The following FAM174A variants were observed in gnomAD, a reference collection of about 807,000 sequenced individuals.
The protein encoded by FAM174A is membrane protein FAM174A.
Under a neutral mutation model 14.3 loss-of-function variants are expected in FAM174A, and 14 were observed. That is an observed-to-expected ratio of 0.98 (90% CI 0.65 to 1.53). The LOEUF (loss-of-function observed/expected upper bound fraction) is 1.53. FAM174A is among the 40% of genes most tolerant of loss of function. FAM174A has a pLI of 0.00. For missense variants in FAM174A, 241 were observed against 249.6 expected (o/e 0.97, Z 0.23); for synonymous variants, 108 against 111.4 (o/e 0.97, Z 0.19).
chr5:100,572,961 G>T (rs911255129), intron 2 of FAM174A, among the ~76,000 whole-genome samples: 3 of 152,236 alleles, frequency 2.0e-5, no homozygotes, highest in African/African-American at 7.2e-5. Flanking sequence ...GTGTGAGCTG[G>T]TATCTCATTG....
chr5:100,551,233 T>A (rs1746256225), intron 1 of FAM174A, among the ~76,000 whole-genome samples: 1 of 152,146 alleles, frequency 6.6e-6, no homozygotes, highest in Non-Finnish European at 1.5e-5. Flanking sequence ...TAATCAGACC[T>A]CCATTCAAGA....
At chr5:100,560,089 T>G (rs901166506) in intron 1 of FAM174A, among the ~76,000 whole-genome samples, 3 of 152,056 alleles carry the variant, frequency 2.0e-5, no homozygotes, top group African/African-American at 4.8e-5. Context: ...TTATCTACCT[T>G]TGGTCTTTGA....
chr5:100,541,756 T>C (rs1246144927), intron 1 of FAM174A, among the ~76,000 whole-genome samples: 1 of 152,142 alleles, frequency 6.6e-6, no homozygotes, highest in Non-Finnish European at 1.5e-5. Flanking sequence ...TTTTGTAGTC[T>C]GGCTTCTAAT....
chr5:100,537,484 A>G lies in FAM174A; in HGVS notation c.434+1520A>G, dbSNP rs568539573. On this transcript the variant is annotated intron_variant, in intron 1 of 2. Transcript: ENST00000312637. Reference sequence around the variant, plus strand: ...AAGTTTAATTAATATGGTAAAGTTGATATGTGTAATTCACATAAATATAAG... The same window carrying G: ...AAGTTTAATTAATATGGTAAAGTTGGTATGTGTAATTCACATAAATATAAG... Among the ~76,000 whole-genome samples, 7 of 152,320 alleles carry G rather than the reference A, an allele frequency of 4.6e-5. No homozygotes were observed. In the East Asian group the frequency reaches 7.7e-4, roughly 17 times the overall value.
chr5:100,535,982 T>A lies in FAM174A; in HGVS notation c.434+18T>A, dbSNP rs1561310107. ...ACGGTCAGGTGAGGCAAAGCCTCGGTGGGGCACCCCCGTGGGCCTGAGATA... is the reference window on the plus strand; with the variant it reads ...ACGGTCAGGTGAGGCAAAGCCTCGGAGGGGCACCCCCGTGGGCCTGAGATA... On this transcript the variant is annotated intron_variant, in intron 1 of 2. Transcript: ENST00000312637. 1.3e-6 allele frequency: 2 copies of A among 1,547,326 alleles called. No individual in the cohort carries two copies. Among genetic ancestry groups the A allele is most frequent in the African/African-American group, 2.7e-5 (2 of 73,500 alleles).
intron 1 of FAM174A, among the ~76,000 whole-genome samples, chr5:100,539,565 C>T (rs1040720389): frequency 2.0e-5 from 3 of 151,910 alleles, no homozygotes; most frequent in African/African-American, 7.3e-5. Flanking sequence ...GATATAATAC[C>T]GCATACTTTA....
rs1278122666 is a variant in FAM174A, at chr5:100,535,822, G to T, written c.292G>T (p.Gly98Trp). The change falls in exon 1 of 3, where the codon GGG becomes TGG. Residue 98 changes from glycine (G) to tryptophan (W), a missense_variant. Gly to Trp is a radical substitution (Grantham distance 184, BLOSUM62 -2). Transcript: ENST00000312637. ...CGGGCTTGAGACGGACGATCACGGA[G>T]GGAAGGCCGGGGAAGGCTCGGTGGG... Reference protein sequence around the residue: ...VAGLETDDHGGKAGEGSVGGG... With the variant: ...VAGLETDDHGWKAGEGSVGGG... 34 of 1,610,726 alleles carry T rather than the reference G, an allele frequency of 2.1e-5. No individual in the cohort carries two copies. The highest frequency in any genetic ancestry group is 2.6e-5 in the Non-Finnish European group (31 of 1,179,812).
intron 1 of FAM174A, among the ~76,000 whole-genome samples, chr5:100,542,550 C>T (rs1746078730): frequency 6.6e-6 from 1 of 152,182 alleles, no homozygotes; most frequent in African/African-American, 2.4e-5. Context: ...AACTTTTCTC[C>T]ACTTCACCTG....
intron 1 of FAM174A, among the ~76,000 whole-genome samples, chr5:100,557,343 T>C (rs1471561558): frequency 6.6e-6 from 1 of 152,154 alleles, no homozygotes; most frequent in Non-Finnish European, 1.5e-5. Context: ...TTTGCCAGTA[T>C]TTTATTGAGG....
chr5:100,569,200 A>C (rs1746725100), intron 2 of FAM174A, among the ~76,000 whole-genome samples: 1 of 151,820 alleles, frequency 6.6e-6, no homozygotes, highest in African/African-American at 2.4e-5. Flanking sequence ...TTCTTACATA[A>C]GATGTAATAT....
intron 1 of FAM174A, among the ~76,000 whole-genome samples, chr5:100,537,709 G>A (rs944765165): frequency 1.3e-5 from 2 of 152,044 alleles, no homozygotes; most frequent in African/African-American, 4.8e-5. Context: ...TTAATATAAA[G>A]AAAGATTAAA....
intron 2 of FAM174A, among the ~76,000 whole-genome samples, chr5:100,574,161 G>A (rs376883310): frequency 4.5e-4 from 68 of 150,974 alleles, no homozygotes; most frequent in East Asian, 2.7e-3. Flanking sequence ...ATACAGTTCC[G>A]CAGATTTCCA....
At chr5:100,574,790 T>G (rs1025279192) in intron 2 of FAM174A, among the ~76,000 whole-genome samples, 14 of 152,136 alleles carry the variant, frequency 9.2e-5, no homozygotes, top group African/African-American at 3.1e-4. Context: ...TGGTGCAGTT[T>G]TTCATAAAAG....
chr5:100,581,248 T>C lies in FAM174A; in HGVS notation c.570-4933T>C, dbSNP rs1747005178. 4.6e-6 allele frequency: 2 copies of C among 430,134 alleles called. 1 individual carries two copies. The highest frequency in any genetic ancestry group is 6.2e-6 in the Non-Finnish European group (2 of 322,428). The allele number at this position is 430,134 out of a possible 1,614,324, so 26.6% of individuals were successfully genotyped here. A position where few individuals can be genotyped will look rare whatever the true frequency, so the allele number is the denominator to read the frequency against. Reference sequence around the variant, plus strand: ...CAAGGCCTGCGGCATTTTTTTTGAGTCAACCAGTCTACCTTCTACAACTTC... The same window carrying C: ...CAAGGCCTGCGGCATTTTTTTTGAGCCAACCAGTCTACCTTCTACAACTTC... On this transcript the variant is annotated intron_variant, in intron 2 of 2. Coordinates refer to ENST00000312637, the MANE Select transcript of FAM174A (RefSeq NM_198507.3).
chr5:100,567,976 G>A (rs1746699257), intron 2 of FAM174A, among the ~76,000 whole-genome samples: 1 of 151,844 alleles, frequency 6.6e-6, no homozygotes, highest in Admixed American at 6.6e-5. Flanking sequence ...TTCTCCCTAT[G>A]TTTAACATCT....
intron 1 of FAM174A, among the ~76,000 whole-genome samples, chr5:100,553,721 T>G (rs1746308495): frequency 6.6e-6 from 1 of 152,150 alleles, no homozygotes. Context: ...TAGAAGATAG[T>G]ATTTACATAC....
At chr5:100,560,864 C>T (rs6869843) in intron 1 of FAM174A, among the ~76,000 whole-genome samples, 10 of 151,968 alleles carry the variant, frequency 6.6e-5, no homozygotes, top group African/African-American at 2.4e-4. Flanking sequence ...ATTTTGCTGT[C>T]TGTGGAGTTG....
At chr5:100,556,002 C>T (rs1309173243) in intron 1 of FAM174A, among the ~76,000 whole-genome samples, 1 of 152,212 alleles carries the variant, frequency 6.6e-6, no homozygotes, top group African/African-American at 2.4e-5. Flanking sequence ...GTGTTTTCGA[C>T]ATGAAGTCCT....
chr5:100,559,434 A>G (rs1392809331), intron 1 of FAM174A, among the ~76,000 whole-genome samples: 3 of 151,826 alleles, frequency 2.0e-5, no homozygotes, highest in Non-Finnish European at 4.4e-5. Flanking sequence ...GCTCTTCTCG[A>G]GGAGTATCTT....
Sources: gnomAD v4.1 joint callset for allele counts (sites outside exome capture counted in the v4.1 genomes callset) on GRCh38, gnomAD v4.1.1 for gene constraint, MANE v1.5 for transcripts, NCBI Gene and HGNC (gene_info 2026-07-23, HGNC 2026-07-21) for gene names.